The following BMP6 variants were observed in gnomAD, a reference collection of about 807,000 sequenced individuals.
BMP6 encodes the protein bone morphogenetic protein 6.
Under a neutral mutation model 54.1 loss-of-function variants are expected in BMP6, and 17 were observed. The ratio of observed to expected loss-of-function variants is 0.31; its 90% CI spans 0.22 to 0.47. BMP6 has a LOEUF of 0.47. Ranked by LOEUF, BMP6 falls within the 20% of genes least tolerant of loss-of-function variation. The pLI is 1.00. For missense variants in BMP6, 720 were observed against 690.4 expected (o/e 1.04, Z -0.48); for synonymous variants, 328 against 291.2 (o/e 1.13, Z -1.28).
At chr6:7,749,742 T>C (rs1049805368) in intron 1 of BMP6, among the ~76,000 whole-genome samples, 6 of 152,350 alleles carry the variant, frequency 3.9e-5, no homozygotes, top group South Asian at 2.1e-4. Flanking sequence ...GGTTGATTCA[T>C]TGTGAAGGCA....
At chr6:7,825,179 G>A (rs564433410) in intron 1 of BMP6, among the ~76,000 whole-genome samples, 1 of 151,966 alleles carries the variant, frequency 6.6e-6, no homozygotes, top group African/African-American at 2.4e-5. Context: ...AACTAGCTGG[G>A]TATGGTGGCA....
chr6:7,816,843 A>G (rs1387976601), intron 1 of BMP6, among the ~76,000 whole-genome samples: 1 of 152,130 alleles, frequency 6.6e-6, no homozygotes, highest in Non-Finnish European at 1.5e-5. Context: ...AATAGTATAG[A>G]ATGCTACGTA....
At chr6:7,848,463 G>A in intron 2 of BMP6, among the ~76,000 whole-genome samples, 1 of 152,162 alleles carries the variant, frequency 6.6e-6, no homozygotes, top group East Asian at 1.9e-4. Flanking sequence ...TGTGAAGACA[G>A]TTTTAGACAC....
chr6:7,812,972 G>GGA (rs569330105), intron 1 of BMP6, among the ~76,000 whole-genome samples: 3 of 137,936 alleles, frequency 2.2e-5, no homozygotes, highest in Admixed American at 7.3e-5. Flanking sequence ...CAAAGGTGAG[G>GGA]AAAAAAAAAA....
chr6:7,806,098 C>CAGT (rs1389694482), intron 1 of BMP6, among the ~76,000 whole-genome samples: 5 of 152,224 alleles, frequency 3.3e-5, no homozygotes, highest in Admixed American at 2.0e-4. Context: ...ATATTTTCTA[C>CAGT]AAAGCCTGCT....
chr6:7,744,701 A>G (rs949329559), intron 1 of BMP6, among the ~76,000 whole-genome samples: 2 of 152,214 alleles, frequency 1.3e-5, no homozygotes, highest in African/African-American at 4.8e-5. Flanking sequence ...GCTGCTTGTT[A>G]TCTGCCCTGA....
intron 1 of BMP6, among the ~76,000 whole-genome samples, chr6:7,813,256 A>G (rs1370378391): frequency 7.0e-6 from 1 of 143,088 alleles, no homozygotes; most frequent in African/African-American, 2.6e-5. Context: ...ATGATGATAT[A>G]TTATTTGATT....
At chr6:7,807,572 C>T (rs893022038) in intron 1 of BMP6, among the ~76,000 whole-genome samples, 2 of 152,160 alleles carry the variant, frequency 1.3e-5, no homozygotes, top group African/African-American at 4.8e-5. Context: ...AGCCCACGCG[C>T]CCGGCCGGGA....
intron 1 of BMP6, among the ~76,000 whole-genome samples, chr6:7,728,809 C>T (rs915508301): frequency 6.6e-6 from 1 of 152,186 alleles, no homozygotes; most frequent in Non-Finnish European, 1.5e-5. Flanking sequence ...AAGGAGCACA[C>T]GGGTCTCCCA....
chr6:7,846,729 T>C (rs1286811487), intron 2 of BMP6, among the ~76,000 whole-genome samples: 1 of 152,248 alleles, frequency 6.6e-6, no homozygotes, highest in African/African-American at 2.4e-5. Context: ...ATTCAGTGGC[T>C]ATACTACTGA....
chr6:7,785,225 C>T (rs1758004063), intron 1 of BMP6, among the ~76,000 whole-genome samples: 1 of 152,170 alleles, frequency 6.6e-6, no homozygotes, highest in African/African-American at 2.4e-5. Context: ...AAGAAGATAG[C>T]GGGTCTACTA....
In BMP6 at chr6:7,726,271, G is replaced by C. The variant is rs1761719445; in HGVS notation, c.-685G>C. On this transcript the variant is annotated 5_prime_UTR_variant, in exon 1 of 7. Transcript: ENST00000283147. ...CCGCCGAACGGAAAGCAAGATCCTC[G>C]CCGCCTCCGCTTGAGGAGGCGTGCG... Among the ~76,000 whole-genome samples, 1 of 152,190 alleles carries C rather than the reference G, an allele frequency of 6.6e-6. No homozygotes were observed. Among genetic ancestry groups the C allele is most frequent in the Non-Finnish European group, 1.5e-5 (1 of 68,024 alleles).
intron 1 of BMP6, among the ~76,000 whole-genome samples, chr6:7,767,941 C>T (rs1382325560): frequency 2.0e-5 from 3 of 152,062 alleles, no homozygotes. Context: ...CTCTAATGAG[C>T]CTGTGCCCTG....
chr6:7,759,910 G>T (rs1757585985), intron 1 of BMP6, among the ~76,000 whole-genome samples: 1 of 151,460 alleles, frequency 6.6e-6, no homozygotes, highest in South Asian at 2.1e-4. Context: ...CACCACATTG[G>T]CCAGGCTAGT....
At chr6:7,866,249 A>G (rs1322976781) in intron 4 of BMP6, among the ~76,000 whole-genome samples, 2 of 151,992 alleles carry the variant, frequency 1.3e-5, no homozygotes, top group Non-Finnish European at 2.9e-5. Flanking sequence ...GTTTTTACAC[A>G]TGTTTGACTA....
chr6:7,790,256 C>T (rs527465025), intron 1 of BMP6, among the ~76,000 whole-genome samples: 2 of 152,072 alleles, frequency 1.3e-5, no homozygotes, highest in Non-Finnish European at 2.9e-5. Context: ...GGCTCACGCC[C>T]GTAACCCTCA....
At chr6:7,743,317 A>T (rs1394493713) in intron 1 of BMP6, among the ~76,000 whole-genome samples, 1 of 152,214 alleles carries the variant, frequency 6.6e-6, no homozygotes, top group Non-Finnish European at 1.5e-5. Flanking sequence ...TGCATTATTC[A>T]GGGTTGACAA....
At chr6:7,863,009 G>T (rs1476946386) in intron 4 of BMP6, among the ~76,000 whole-genome samples, 1 of 151,986 alleles carries the variant, frequency 6.6e-6, no homozygotes, top group Non-Finnish European at 1.5e-5. Flanking sequence ...GTTGTTGTTT[G>T]TTTTTGGGAG....
intron 1 of BMP6, among the ~76,000 whole-genome samples, chr6:7,799,613 A>T (rs888366742): frequency 2.6e-5 from 4 of 152,108 alleles, no homozygotes; most frequent in Non-Finnish European, 5.9e-5. Context: ...ACCTACAGCA[A>T]CTGGTAATGA....
Sources: gnomAD v4.1 joint callset for allele counts (sites outside exome capture counted in the v4.1 genomes callset) on GRCh38, gnomAD v4.1.1 for gene constraint, MANE v1.5 for transcripts, NCBI Gene and HGNC (gene_info 2026-07-23, HGNC 2026-07-21) for gene names.